The following PLB1 variants were observed in gnomAD, a reference collection of about 807,000 sequenced individuals.
The protein encoded by PLB1 is phospholipase B1, membrane-associated.
PLB1 carries 242 observed loss-of-function variants against 227.4 expected under a neutral mutation model. That is an observed-to-expected ratio of 1.06 (90% CI 0.96 to 1.18). PLB1 has a LOEUF of 1.18. Ranked by LOEUF, PLB1 falls within the 50% of genes most tolerant of loss-of-function variation. PLB1 has a pLI of 0.00. For missense variants in PLB1, 1,858 were observed against 1,816.3 expected (o/e 1.02, Z -0.42); for synonymous variants, 757 against 682.2 (o/e 1.11, Z -1.71).
At chr2:28,635,979 G>C (rs1429752593) in intron 56 of PLB1, among the ~76,000 whole-genome samples, 3 of 152,088 alleles carry the variant, frequency 2.0e-5, no homozygotes, top group Admixed American at 6.6e-5. Context: ...ATCATTCAGG[G>C]ACATTGTGTA....
Position 28,549,998 on chromosome 2 carries a change from C to CT in PLB1, c.1009-9dup, listed in dbSNP as rs765955740. The CT allele has an allele frequency of 1.9e-4, 304 of 1,609,174 alleles. 1 individual carries two copies. The highest frequency in any genetic ancestry group is 2.5e-4 in the Non-Finnish European group (293 of 1,176,184). The stretch of plus-strand genomic sequence containing the variant: ...TAGGGTCACGATTCCAACATGTCAC[C>CT]TTTCCCTGCAGGAGAGCCCCTATCT... On this transcript the variant is annotated splice_polypyrimidine_tract_variant and intron_variant, in intron 15 of 57. Transcript: ENST00000327757.
chr2:28,577,964 C>G (rs981950634), intron 21 of PLB1, 143 bp from the exon 22 acceptor site: 2 of 787,420 alleles, frequency 2.5e-6, no homozygotes, highest in African/African-American at 3.4e-5. Context: ...GGAAGAAGCT[C>G]TGCGACACGG....
chr2:28,598,633 C>T lies in PLB1; in HGVS notation c.2366-19C>T. 1 of 1,592,512 alleles carries T rather than the reference C, an allele frequency of 6.3e-7. No homozygotes were observed. Among genetic ancestry groups the T allele is most frequent in the South Asian group, 1.1e-5 (1 of 90,600 alleles). ...TTTCTGTTCTGAGCCGTCTGCATCC[C>T]ATTCACCTTCTCTTCCAGATATCCT... On this transcript the variant is annotated intron_variant, in intron 34 of 57. Coordinates refer to ENST00000327757, the MANE Select transcript of PLB1 (RefSeq NM_153021.5).
chr2:28,523,435 C>T (rs1235622237), intron 4 of PLB1, among the ~76,000 whole-genome samples: 2 of 150,652 alleles, frequency 1.3e-5, no homozygotes, highest in East Asian at 3.9e-4. Flanking sequence ...AGGGTAGAGC[C>T]TGTGTCTTAC....
At chr2:28,552,784 G>A in intron 16 of PLB1, 144 bp from the exon 17 acceptor site, 2 of 664,838 alleles carry the variant, frequency 3.0e-6, no homozygotes, top group Non-Finnish European at 5.4e-6. Flanking sequence ...GGATATGAGT[G>A]TTGAAGGAGA....
intron 2 of PLB1, among the ~76,000 whole-genome samples, chr2:28,518,103 A>C (rs961864105): frequency 6.6e-6 from 1 of 152,082 alleles, no homozygotes; most frequent in Non-Finnish European, 1.5e-5. Flanking sequence ...GCTGGTCTCA[A>C]ACTCCTGATC....
At chr2:28,540,776 G>T (rs1672374357) in intron 12 of PLB1, among the ~76,000 whole-genome samples, 1 of 152,196 alleles carries the variant, frequency 6.6e-6, no homozygotes, top group South Asian at 2.1e-4. Context: ...TCTGGGGTGG[G>T]TGAGCTGGTT....
intron 44 of PLB1, among the ~76,000 whole-genome samples, chr2:28,614,652 C>T (rs1040532697): frequency 2.0e-5 from 3 of 152,182 alleles, no homozygotes; most frequent in Admixed American, 6.5e-5. Flanking sequence ...TGGAGGACCC[C>T]GGACTATACC....
At chr2:28,504,469 G>C (rs116809589) in intron 1 of PLB1, among the ~76,000 whole-genome samples, 3,119 of 152,246 alleles carry the variant, frequency 0.02, 72 homozygotes, top group Admixed American at 0.031. Flanking sequence ...AGGGCCAGGC[G>C]CAGTGGCTCA....
At chr2:28,552,786 TGAAG>T in intron 16 of PLB1, 138 bp from the exon 17 acceptor site, 1 of 671,922 alleles carries the variant, frequency 1.5e-6, no homozygotes. Flanking sequence ...ATATGAGTGT[TGAAG>T]GAGAGGGAGA....
chr2:28,533,966 C>A (rs904951537), intron 9 of PLB1, among the ~76,000 whole-genome samples: 3 of 152,134 alleles, frequency 2.0e-5, no homozygotes, highest in African/African-American at 7.2e-5. Context: ...AATATGTATC[C>A]TTTTGGCCAC....
intron 14 of PLB1, among the ~76,000 whole-genome samples, chr2:28,544,502 C>A (rs1403526647): frequency 5.9e-5 from 9 of 152,194 alleles, no homozygotes; most frequent in Non-Finnish European, 1.2e-4. Context: ...TTGTACCCTG[C>A]CCTTGTACCC....
chr2:28,633,062 G>A (rs750456638), intron 56 of PLB1, 23 bp downstream of exon 56: 53 of 1,599,730 alleles, frequency 3.3e-5, no homozygotes, highest in Non-Finnish European at 4.3e-5. Context: ...GGGCCTGGTG[G>A]GCCTTGTCAA....
intron 56 of PLB1, among the ~76,000 whole-genome samples, chr2:28,638,827 GAAAAAAAA>G (rs35972276): frequency 7.9e-5 from 5 of 63,620 alleles, no homozygotes; most frequent in African/African-American, 2.6e-4. Context: ...GCTGGAGATT[GAAAAAAAA>G]AAAAAAAAAA....
intron 46 of PLB1, 72 bp from the exon 47 acceptor site, chr2:28,620,193 A>T: frequency 9.3e-7 from 1 of 1,071,128 alleles, no homozygotes; most frequent in Middle Eastern, 2.3e-4. Context: ...CTGCTACCCC[A>T]GGGCCAGAGG....
intron 20 of PLB1, among the ~76,000 whole-genome samples, chr2:28,570,905 T>C (rs1283134743): frequency 6.6e-6 from 1 of 152,236 alleles, no homozygotes; most frequent in East Asian, 1.9e-4. Flanking sequence ...ACAGATGGAA[T>C]GCTGCCCCCT....
At position 28,529,539 on chromosome 2, in the gene PLB1, G is replaced by A. The variant is rs918922461; in HGVS notation, c.416+132G>A. ...GAAGTATTTAAGTCAAAGCCCAAATGCCCCCTCAAGCTGATTTCAGGCTGC... is the reference window on the plus strand; with the variant it reads ...GAAGTATTTAAGTCAAAGCCCAAATACCCCCTCAAGCTGATTTCAGGCTGC... On this transcript the variant is annotated intron_variant, in intron 7 of 57. Transcript: ENST00000327757. The A allele has an allele frequency of 1.5e-5, 14 of 934,622 alleles. No homozygotes were observed. The African/African-American group carries it at 2.2e-4, about 14-fold the overall frequency. 57.9% of individuals were successfully genotyped at this position (934,622 alleles called of 1,614,324 possible). A position where few individuals can be genotyped will look rare whatever the true frequency, so the allele number is the denominator to read the frequency against.
At chr2:28,600,505 C>T (rs1391141469) in intron 35 of PLB1, among the ~76,000 whole-genome samples, 3 of 152,208 alleles carry the variant, frequency 2.0e-5, no homozygotes, top group Non-Finnish European at 2.9e-5. Flanking sequence ...TGAATGGTCT[C>T]TTAGCATGGA....
chr2:28,594,403 G>C (rs892622783), intron 33 of PLB1: 1 of 173,114 alleles, frequency 5.8e-6, no homozygotes, highest in African/African-American at 2.4e-5. Flanking sequence ...CATTCCTGTA[G>C]GCTTCAAAGT....
Sources: gnomAD v4.1 joint callset for allele counts (sites outside exome capture counted in the v4.1 genomes callset) on GRCh38, gnomAD v4.1.1 for gene constraint, MANE v1.5 for transcripts, NCBI Gene and HGNC (gene_info 2026-07-23, HGNC 2026-07-21) for gene names.